Variants in FHIT observed in about 807,000 individuals in gnomAD.
FHIT encodes bis(5'-adenosyl)-triphosphatase.
In FHIT, 19 loss-of-function variants were observed where a neutral mutation model predicts 17.9. The observed-to-expected ratio is 1.06, with a 90% CI of 0.74 to 1.56. FHIT has a LOEUF of 1.56. FHIT is among the 40% of genes most tolerant of loss of function. The pLI is 0.00. For missense variants in FHIT, 248 were observed against 189.2 expected (o/e 1.31, Z -1.82); for synonymous variants, 81 against 69.7 (o/e 1.16, Z -0.81).
At chr3:60,891,807 T>G (rs1289952584) in intron 3 of FHIT, among the ~76,000 whole-genome samples, 1 of 152,132 alleles carries the variant, frequency 6.6e-6, no homozygotes, top group Admixed American at 6.5e-5. Flanking sequence ...GATCAGAAAG[T>G]ACCCGGGCGT....
chr3:60,715,003 T>TTGGAGGCATCA (rs1559663587), intron 4 of FHIT, among the ~76,000 whole-genome samples: 1 of 152,014 alleles, frequency 6.6e-6, no homozygotes, highest in African/African-American at 2.4e-5. Flanking sequence ...AAGAACAAAG[T>TTGGAGGCATCA]TGGAGGCATC....
At chr3:60,170,329 C>G (rs147111043) in intron 5 of FHIT, among the ~76,000 whole-genome samples, 1 of 152,268 alleles carries the variant, frequency 6.6e-6, no homozygotes, top group Non-Finnish European at 1.5e-5. Flanking sequence ...AGATTCCCAA[C>G]AATATATGAT....
chr3:60,192,452 C>A (rs1192118190), intron 5 of FHIT, among the ~76,000 whole-genome samples: 1 of 152,100 alleles, frequency 6.6e-6, no homozygotes, highest in African/African-American at 2.4e-5. Context: ...CATCTCCCTA[C>A]CTCCCAAATG....
chr3:60,591,088 T>C (rs561196474), intron 4 of FHIT, among the ~76,000 whole-genome samples: 1 of 152,238 alleles, frequency 6.6e-6, no homozygotes, highest in Admixed American at 6.5e-5. Flanking sequence ...TCAGCTCTCA[T>C]GTCATAAAAT....
At chr3:60,865,468 G>A (rs1158031817) in intron 3 of FHIT, among the ~76,000 whole-genome samples, 3 of 152,140 alleles carry the variant, frequency 2.0e-5, no homozygotes, top group African/African-American at 7.2e-5. Flanking sequence ...TGATTTGTTA[G>A]ACATGCCTAA....
chr3:60,504,588 T>C (rs2687153), intron 5 of FHIT, among the ~76,000 whole-genome samples: 152,105 of 152,284 alleles, frequency 1, 75,964 homozygotes, highest in Middle Eastern at 1. Context: ...ATATATTGAT[T>C]GAAGGAGTCT....
chr3:60,036,352 A>G (rs558129380), intron 5 of FHIT, among the ~76,000 whole-genome samples: 1 of 152,256 alleles, frequency 6.6e-6, no homozygotes, highest in Non-Finnish European at 1.5e-5. Flanking sequence ...ATGTTATTTT[A>G]CCTCATAAGA....
rs112894966 is a variant in FHIT at position 60,573,809 on chromosome 3, CTTTTT to C, written c.-17-36835_-17-36831del. On this transcript the variant is annotated intron_variant, in intron 4 of 9. Transcript: ENST00000492590. The stretch of plus-strand genomic sequence containing the variant: ...TCTGCGTTCATTTATGTCTTGTGTA[CTTTTT>C]TTTTTTATTTTTCGAGATGGAGTCT... Among the ~76,000 whole-genome samples the C allele has an allele frequency of 2.0e-5, 3 of 147,804 alleles. No homozygotes were observed. In the South Asian group the frequency reaches 6.4e-4, roughly 32 times the overall value.
chr3:60,051,798 C>A (rs964607569), intron 5 of FHIT, among the ~76,000 whole-genome samples: 1 of 152,028 alleles, frequency 6.6e-6, no homozygotes, highest in Non-Finnish European at 1.5e-5. Flanking sequence ...AGGAAACAAA[C>A]CATATATGGT....
chr3:60,126,710 C>T (rs1176568654), intron 5 of FHIT, among the ~76,000 whole-genome samples: 1 of 152,160 alleles, frequency 6.6e-6, no homozygotes, highest in Non-Finnish European at 1.5e-5. Context: ...TGAAGTATTA[C>T]CACATTTACC....
intron 4 of FHIT, among the ~76,000 whole-genome samples, chr3:60,775,542 G>A (rs919171927): frequency 3.9e-5 from 6 of 152,040 alleles, no homozygotes; most frequent in Admixed American, 3.3e-4. Context: ...CCTCTCCATC[G>A]GTCTGTGAAC....
chr3:60,879,872 T>C (rs782018570), intron 3 of FHIT, among the ~76,000 whole-genome samples: 8 of 151,586 alleles, frequency 5.3e-5, no homozygotes, highest in Non-Finnish European at 1.2e-4. Context: ...AAAGAGTTTT[T>C]AAAAAAGACT....
intron 5 of FHIT, among the ~76,000 whole-genome samples, chr3:60,072,609 G>C (rs1001124516): frequency 1.3e-5 from 2 of 152,110 alleles, no homozygotes; most frequent in Non-Finnish European, 1.5e-5. Flanking sequence ...CCATTCTATA[G>C]ATGGAGACTG....
intron 5 of FHIT, among the ~76,000 whole-genome samples, chr3:60,079,761 T>C (rs1489235938): frequency 6.6e-6 from 1 of 152,098 alleles, no homozygotes; most frequent in Non-Finnish European, 1.5e-5. Flanking sequence ...ACTAACCTCC[T>C]GCGCAACCAT....
intron 2 of FHIT, among the ~76,000 whole-genome samples, chr3:61,086,080 A>G (rs2035297142): frequency 6.6e-6 from 1 of 152,086 alleles, no homozygotes; most frequent in Non-Finnish European, 1.5e-5. Context: ...TTCCTTTCAA[A>G]TGCTCATATC....
chr3:60,201,835 G>A (rs1280263069), intron 5 of FHIT, among the ~76,000 whole-genome samples: 1 of 93,632 alleles, frequency 1.1e-5, no homozygotes, highest in East Asian at 3.3e-4. Flanking sequence ...AACTTCTTTT[G>A]GAGTCTCAGG....
At position 61,147,111 on chromosome 3, in the gene FHIT, T is replaced by C. The variant is rs534561373; in HGVS notation, c.-164+53506A>G. On this transcript the variant is annotated intron_variant, in intron 2 of 9. Coordinates refer to ENST00000492590, the MANE Select transcript of FHIT (RefSeq NM_002012.4). The stretch of plus-strand genomic sequence containing the variant: ...TACCAAGTTCTTTTTGTTGTTGTTT[T>C]CTACCTCTCAAAACAGTGCAGAAAT... Among the ~76,000 whole-genome samples the C allele has an allele frequency of 2.6e-5, 4 of 152,124 alleles. No individual in the cohort carries two copies. In the East Asian group the frequency reaches 7.7e-4, roughly 29 times the overall value.
chr3:61,095,368 G>A (rs1285570354), intron 2 of FHIT, among the ~76,000 whole-genome samples: 1 of 152,110 alleles, frequency 6.6e-6, no homozygotes, highest in African/African-American at 2.4e-5. Flanking sequence ...TGTTGTGCTT[G>A]ACTGTGCATT....
chr3:59,976,626 C>G (rs916542298), intron 7 of FHIT, among the ~76,000 whole-genome samples: 2 of 152,018 alleles, frequency 1.3e-5, no homozygotes, highest in African/African-American at 4.8e-5. Context: ...TCACGCAGCC[C>G]TACCTACCAC....
Sources: gnomAD v4.1 joint callset for allele counts (sites outside exome capture counted in the v4.1 genomes callset) on GRCh38, gnomAD v4.1.1 for gene constraint, MANE v1.5 for transcripts, NCBI Gene and HGNC (gene_info 2026-07-23, HGNC 2026-07-21) for gene names.